SAMD13: variants seen among roughly 807,000 people sequenced by gnomAD.
SAMD13 encodes the protein sterile alpha motif domain-containing protein 13.
SAMD13 carries 9 observed loss-of-function variants against 12.4 expected under a neutral mutation model. The observed-to-expected ratio is 0.72, with a 90% CI of 0.44 to 1.26. SAMD13 has a LOEUF of 1.26. Ranked by LOEUF, SAMD13 falls within the 50% of genes most tolerant of loss-of-function variation. The pLI is 0.00. For synonymous variants in SAMD13, 46 were observed against 45.4 expected, an observed-to-expected ratio of 1.01 and a Z score of -0.05; for missense variants, 84 against 119.6, an observed-to-expected ratio of 0.70 and a Z score of 1.39.
intron 1 of SAMD13, chr1:84,302,750 C>A: frequency 1.1e-6 from 1 of 914,676 alleles, no homozygotes; most frequent in Non-Finnish European, 1.3e-6. Context: ...ATGAAAAAAT[C>A]TAGGAGCAAG....
intron 2 of SAMD13, among the ~76,000 whole-genome samples, chr1:84,323,516 T>C (rs912156766): frequency 6.6e-6 from 1 of 152,140 alleles, no homozygotes; most frequent in Non-Finnish European, 1.5e-5. Flanking sequence ...GAGTATTGGC[T>C]TTAGGTGTTT....
intron 2 of SAMD13, among the ~76,000 whole-genome samples, chr1:84,307,343 A>G (rs932713119): frequency 6.6e-6 from 1 of 152,124 alleles, no homozygotes; most frequent in Non-Finnish European, 1.5e-5. Flanking sequence ...TGCATTTTTC[A>G]TTTCAGACAA....
At chr1:84,331,891 C>T (rs746441283) in intron 3 of SAMD13, among the ~76,000 whole-genome samples, 8 of 152,086 alleles carry the variant, frequency 5.3e-5, no homozygotes, top group Non-Finnish European at 1.0e-4. Flanking sequence ...TCCTCCCACC[C>T]TCCACCCTCA....
intron 3 of SAMD13, among the ~76,000 whole-genome samples, chr1:84,338,850 CACA>C (rs1258616014): frequency 2.6e-5 from 4 of 152,148 alleles, no homozygotes; most frequent in Non-Finnish European, 5.9e-5. Context: ...GGGCCCCTCC[CACA>C]ACATGTGGGA....
chr1:84,324,843 C>T (rs535168929), intron 2 of SAMD13, among the ~76,000 whole-genome samples: 1 of 152,202 alleles, frequency 6.6e-6, no homozygotes, highest in South Asian at 2.1e-4. Flanking sequence ...GGAGCATTAC[C>T]CATAGACCCA....
chr1:84,315,291 T>C (rs1678808963), intron 2 of SAMD13, among the ~76,000 whole-genome samples: 1 of 152,184 alleles, frequency 6.6e-6, no homozygotes, highest in African/African-American at 2.4e-5. Flanking sequence ...TATTCTTTGC[T>C]TCTATGAGTT....
intron 3 of SAMD13, among the ~76,000 whole-genome samples, chr1:84,338,432 CTTTTTTTTTTTT>C (rs201864672): frequency 9.9e-6 from 1 of 100,698 alleles, no homozygotes; most frequent in Non-Finnish European, 1.9e-5. Context: ...ACTCATCTCT[CTTTTTTTTTTTT>C]TTTTTTTTTT....
At chr1:84,337,583 C>T (rs1679328108) in intron 3 of SAMD13, among the ~76,000 whole-genome samples, 2 of 152,178 alleles carry the variant, frequency 1.3e-5, no homozygotes, top group East Asian at 3.9e-4. Flanking sequence ...CCCACAAAAC[C>T]ATCTTTTCCT....
chr1:84,307,270 CT>C (rs1207308046), intron 2 of SAMD13, among the ~76,000 whole-genome samples: 1 of 152,132 alleles, frequency 6.6e-6, no homozygotes, highest in African/African-American at 2.4e-5. Flanking sequence ...GCTTCTATTG[CT>C]TTGCATTCGT....
intron 2 of SAMD13, among the ~76,000 whole-genome samples, chr1:84,304,575 CT>C (rs1678525809): frequency 6.6e-6 from 1 of 152,052 alleles, no homozygotes; most frequent in South Asian, 2.1e-4. Flanking sequence ...TTTTTATCCC[CT>C]CTTGAAACTA....
intron 3 of SAMD13, among the ~76,000 whole-genome samples, chr1:84,336,611 A>G (rs1679297180): frequency 2.0e-5 from 3 of 152,126 alleles, no homozygotes; most frequent in Non-Finnish European, 2.9e-5. Context: ...CCCTCCAACA[A>G]CATGTGGGAA....
At chr1:84,340,330 T>C (rs1029567918) in intron 3 of SAMD13, among the ~76,000 whole-genome samples, 4 of 152,216 alleles carry the variant, frequency 2.6e-5, no homozygotes, top group Non-Finnish European at 5.9e-5. Context: ...CAGACAAATA[T>C]TGCATAATTC....
At chr1:84,308,784 A>AT (rs1678643177) in intron 2 of SAMD13, among the ~76,000 whole-genome samples, 1 of 152,060 alleles carries the variant, frequency 6.6e-6, no homozygotes, top group Admixed American at 6.6e-5. Context: ...AAATCTGAAA[A>AT]TTTTTTAATT....
chr1:84,332,977 G>C (rs758946990), intron 3 of SAMD13, among the ~76,000 whole-genome samples: 22 of 152,066 alleles, frequency 1.4e-4, no homozygotes, highest in Non-Finnish European at 2.9e-4. Flanking sequence ...ACCATTTGTT[G>C]AATAGGAAGT....
At chr1:84,308,192 G>A (rs1382168503) in intron 2 of SAMD13, among the ~76,000 whole-genome samples, 1 of 152,140 alleles carries the variant, frequency 6.6e-6, no homozygotes, top group Non-Finnish European at 1.5e-5. Flanking sequence ...TTAGTTAGAA[G>A]AGTAAATATT....
At chr1:84,314,232 A>C (rs1490380630) in intron 2 of SAMD13, among the ~76,000 whole-genome samples, 1 of 152,192 alleles carries the variant, frequency 6.6e-6, no homozygotes, top group Non-Finnish European at 1.5e-5. Context: ...ATACATGTAC[A>C]GCAATCTACA....
chr1:84,326,734 C>T (rs1679069311), intron 3 of SAMD13, among the ~76,000 whole-genome samples: 1 of 152,134 alleles, frequency 6.6e-6, no homozygotes, highest in Admixed American at 6.5e-5. Flanking sequence ...TGTCTGGCTG[C>T]TTGTTCCATA....
intron 3 of SAMD13, among the ~76,000 whole-genome samples, chr1:84,326,943 C>T (rs893933719): frequency 6.6e-6 from 1 of 152,072 alleles, no homozygotes; most frequent in Non-Finnish European, 1.5e-5. Context: ...TTTCTTCATA[C>T]CTACCAGAAG....
rs192052339 is a variant in SAMD13 at position 84,344,615 on chromosome 1, C to T, written c.166-5016C>T. The T allele has an allele frequency of 2.1e-3, 646 of 304,144 alleles. 8 individuals are homozygous for T. Among genetic ancestry groups the T allele is most frequent in the African/African-American group, 0.013 (614 of 45,842 alleles). The allele number at this position is 304,144 out of a possible 1,614,324, so 18.8% of individuals were successfully genotyped here. A position where few individuals can be genotyped will look rare whatever the true frequency, so the allele number is the denominator to read the frequency against. On this transcript the variant is annotated intron_variant, in intron 3 of 3. Transcript: ENST00000394834. Reference sequence around the variant, plus strand: ...ATAGTTCACCATCTTCCTTTCCAACCTTATATGGAAATTCTTCCAAAAATA... The same window carrying T: ...ATAGTTCACCATCTTCCTTTCCAACTTTATATGGAAATTCTTCCAAAAATA...
Sources: allele counts gnomAD v4.1 joint callset (sites outside exome capture counted in the v4.1 genomes callset), GRCh38; gene constraint gnomAD v4.1.1; transcripts MANE v1.5; gene names NCBI Gene and HGNC (gene_info 2026-07-23, HGNC 2026-07-21).